The following RGMB variants were observed in gnomAD, a reference collection of about 807,000 sequenced individuals.
RGMB encodes the protein repulsive guidance molecule B.
Under a neutral mutation model 26.9 loss-of-function variants are expected in RGMB, and 16 were observed. The ratio of observed to expected loss-of-function variants is 0.60; its 90% confidence interval spans 0.40 to 0.90. RGMB has a LOEUF of 0.90. RGMB is among the 40% of genes least tolerant of loss of function. The probability of loss-of-function intolerance (pLI) is 0.00; values close to 1 mark genes in which losing one functional copy is unlikely to be tolerated. For missense variants in RGMB, 512 were observed against 573.3 expected (o/e 0.89, Z 1.09); for synonymous variants, 225 against 229.3 (o/e 0.98, Z 0.17).
upstream of RGMB, among the ~76,000 whole-genome samples, chr5:98,769,120 G>T (rs191159613): frequency 6.6e-6 from 1 of 152,188 alleles, no homozygotes; most frequent in East Asian, 1.9e-4. Context: ...TGAGTGTGGT[G>T]GGGGGAAGGC....
intron 2 of RGMB, 109 bp from the exon 3 acceptor site, chr5:98,792,976 C>T (rs909972402): frequency 2.4e-5 from 19 of 806,760 alleles, no homozygotes; most frequent in East Asian, 8.2e-5. Context: ...TTGGAGATTC[C>T]GCCTTAAGCC....
chr5:98,780,976 A>G (rs1023031424), intron 2 of RGMB: 3 of 150,976 alleles, frequency 2.0e-5, no homozygotes, highest in African/African-American at 4.8e-5. Context: ...GTCTTTTCCA[A>G]CCACAAAACC....
upstream of RGMB, among the ~76,000 whole-genome samples, chr5:98,772,220 T>C (rs1182142120): frequency 2.0e-5 from 3 of 152,186 alleles, no homozygotes; most frequent in East Asian, 5.8e-4. Flanking sequence ...TAGTGAAAGG[T>C]GTGTTTACCC....
chr5:98,791,148 G>A (rs1746917941), intron 2 of RGMB, among the ~76,000 whole-genome samples: 1 of 152,170 alleles, frequency 6.6e-6, no homozygotes. Context: ...ACCTCCTTTG[G>A]GTTGTTAAGA....
chr5:98,781,341 C>T (rs562138962), intron 2 of RGMB, among the ~76,000 whole-genome samples: 1 of 152,196 alleles, frequency 6.6e-6, no homozygotes, highest in African/African-American at 2.4e-5. Flanking sequence ...TACTTCAACT[C>T]TCAGTAAAAG....
Position 98,793,892 on chromosome 5 carries a change from A to C in RGMB, c.*139A>C, listed in dbSNP as rs1747028191. 2 of 659,328 alleles carry C rather than the reference A, an allele frequency of 3.0e-6. No homozygotes were observed. The highest frequency in any genetic ancestry group is 5.0e-6 in the Non-Finnish European group (2 of 397,694). The allele number at this position is 659,328 out of a possible 1,614,324, so 40.8% of individuals were successfully genotyped here. A position where few individuals can be genotyped will look rare whatever the true frequency, so the allele number is the denominator to read the frequency against. On this transcript the variant is annotated 3_prime_UTR_variant, in exon 3 of 3. Coordinates refer to ENST00000513185, the MANE Select transcript of RGMB (RefSeq NM_001366508.1). ...GGATGTTTGTCCTGGGACACCCACC[A>C]GATTGTACATACTGTGTTTGGCTGT...
intron 1 of RGMB, among the ~76,000 whole-genome samples, chr5:98,778,658 T>G (rs1561438919): frequency 6.6e-6 from 1 of 152,216 alleles, no homozygotes; most frequent in Non-Finnish European, 1.5e-5. Flanking sequence ...ACTGACCTAG[T>G]ATTGGTAGTT....
rs758322176 is a variant in RGMB, at chr5:98,793,207, G to A, written c.768G>A (p.Lys256=). Residue 256 remains lysine, a synonymous_variant, in exon 3 of 3, where the codon AAG becomes AAA. Coordinates refer to ENST00000513185, the MANE Select transcript of RGMB (RefSeq NM_001366508.1). The part of the protein sequence containing the change: ...GTTSGGDSDA[K]SLRIVERESG... The stretch of plus-strand genomic sequence containing the variant: ...CCAGTGGTGGGGACAGCGATGCCAA[G>A]AGCCTGCGTATCGTGGAAAGGGAGA... The A allele has an allele frequency of 1.9e-6, 3 of 1,613,952 alleles. No homozygotes were observed. Among genetic ancestry groups the A allele is most frequent in the Non-Finnish European group, 2.5e-6 (3 of 1,179,916 alleles).
chr5:98,771,720 A>T (rs988468830), upstream of RGMB: 1 of 152,174 alleles, frequency 6.6e-6, no homozygotes, highest in Non-Finnish European at 1.5e-5. Flanking sequence ...ATTTGCAATG[A>T]CTCGAGGACG....
chr5:98,780,531 ATT>A (rs1343204254), intron 2 of RGMB: 1 of 155,884 alleles, frequency 6.4e-6, no homozygotes, highest in Admixed American at 6.4e-5. Context: ...TTTATTGGAG[ATT>A]TGGAAGCTAT....
In RGMB at chr5:98,793,490, C is replaced by G; in HGVS notation, c.1051C>G (p.Leu351Val). The change falls in exon 3 of 3, where the codon CTG becomes GTG. Residue 351 changes from leucine (L) to valine (V), a missense_variant. By Grantham distance (32) the Leu-to-Val change is conservative. Transcript: ENST00000513185. ...GGTGCAGGCCTGGCCTGGCTACACA[C>G]TGGAGACTGCCAACACTCAATGCCA... ...SLVQAWPGYT[L>V]ETANTQCHEK... The G allele has an allele frequency of 6.2e-7, 1 of 1,613,626 alleles. No homozygotes were observed. The highest frequency in any genetic ancestry group is 8.5e-7 in the Non-Finnish European group (1 of 1,179,762).
At position 98,793,159 on chromosome 5, in the gene RGMB, G is replaced by A. The variant is rs957718658; in HGVS notation, c.720G>A (p.Pro240=). 30 of 1,613,770 alleles carry A rather than the reference G, an allele frequency of 1.9e-5. No homozygotes were observed. Among genetic ancestry groups the A allele is most frequent in the Middle Eastern group, 1.6e-4 (1 of 6,084 alleles). Residue 240 remains proline (P), a synonymous_variant, in exon 3 of 3, where the codon CCG becomes CCA. Transcript: ENST00000513185. ...KVYQAVTDDL[P]AAFVDGTTSG... The stretch of plus-strand genomic sequence containing the variant: ...ACCAAGCTGTGACAGATGACCTGCC[G>A]GCCGCCTTTGTGGATGGCACCACCA...
upstream of RGMB, chr5:98,770,687 CT>C: frequency 6.9e-7 from 1 of 1,442,806 alleles, no homozygotes; most frequent in South Asian, 1.5e-5. Flanking sequence ...AGTACAGGCA[CT>C]TGATTTCTCA....
At chr5:98,782,692 A>G (rs1232156729) in intron 2 of RGMB, among the ~76,000 whole-genome samples, 1 of 152,212 alleles carries the variant, frequency 6.6e-6, no homozygotes, top group Non-Finnish European at 1.5e-5. Flanking sequence ...GGAAACATCC[A>G]TTCATTTCGC....
At chr5:98,772,797 A>G (rs1746209384), upstream of RGMB, 1 of 152,196 alleles carries the variant, frequency 6.6e-6, no homozygotes, top group African/African-American at 2.4e-5. Context: ...AATTTAAATA[A>G]TCTGTAGAAA....
At position 98,793,774 on chromosome 5, in the gene RGMB, TTTTTA is replaced by T; in HGVS notation, c.*26_*30del. The stretch of plus-strand genomic sequence containing the variant: ...TGTAGGGGTTGTCTTTTGTTTTGGT[TTTTTA>T]TTTTTTGTCTATAACAAAATTTTAA... On this transcript the variant is annotated 3_prime_UTR_variant, in exon 3 of 3. Transcript: ENST00000513185. The T allele has an allele frequency of 6.7e-7, 1 of 1,496,828 alleles. No homozygotes were observed. The highest frequency in any genetic ancestry group is 1.3e-5 in the South Asian group (1 of 74,866). The allele number at this position is 1,496,828 out of a possible 1,614,324, so 92.7% of individuals were successfully genotyped here.
intron 1 of RGMB, among the ~76,000 whole-genome samples, chr5:98,779,057 A>T (rs1275175543): frequency 6.6e-6 from 1 of 152,084 alleles, no homozygotes; most frequent in Non-Finnish European, 1.5e-5. Context: ...ATACAGGTAA[A>T]TCAAGTAAAG....
rs1746278538 is a variant in RGMB at position 98,773,939 on chromosome 5, A to C, written c.-132A>C. On this transcript the variant is annotated 5_prime_UTR_variant, in exon 1 of 3. Transcript: ENST00000513185. ...CGGCGGTGGTGGCGCCCCATCTGCT[A>C]CACGGGCCTGAAGAAGGAAGAAGAG... 3.3e-6 allele frequency: 2 copies of C among 599,062 alleles called. No homozygotes were observed. Among genetic ancestry groups the C allele is most frequent in the Non-Finnish European group, 6.0e-6 (2 of 332,652 alleles). The allele number at this position is 599,062 out of a possible 1,614,324, so 37.1% of individuals were successfully genotyped here.
At chr5:98,779,423 G>A (rs1321132460) in intron 1 of RGMB, among the ~76,000 whole-genome samples, 157 bp from the exon 2 acceptor site, 1 of 152,190 alleles carries the variant, frequency 6.6e-6, no homozygotes, top group Non-Finnish European at 1.5e-5. Flanking sequence ...GAAAGACACA[G>A]GAACACAATG....
Sources: gnomAD v4.1 joint callset for allele counts (sites outside exome capture counted in the v4.1 genomes callset) on GRCh38, gnomAD v4.1.1 for gene constraint, MANE v1.5 for transcripts, NCBI Gene and HGNC (gene_info 2026-07-23, HGNC 2026-07-21) for gene names.